Variants in DCAF4L2 observed in about 807,000 individuals in gnomAD.
DCAF4L2 encodes DDB1 and CUL4 associated factor 4 like 2.
A neutral mutation model predicts 15.5 loss-of-function variants in DCAF4L2; 13 were observed. That is an observed-to-expected ratio of 0.84 (90% CI 0.54 to 1.33). The LOEUF (loss-of-function observed/expected upper bound fraction) is 1.33. Among genes scored for constraint, DCAF4L2 ranks in the 40% most tolerant of loss-of-function variants. The pLI, the probability that DCAF4L2 is intolerant of heterozygous loss-of-function variation, is 0.00. For missense variants in DCAF4L2, 519 were observed against 509.6 expected, an observed-to-expected ratio of 1.02 and a Z score of -0.18; for synonymous variants, 251 against 207.0, an observed-to-expected ratio of 1.21 and a Z score of -1.83.
rs1353180954 is a variant in DCAF4L2 at position 87,871,572 on chromosome 8, A to G, written c.*1212T>C. On this transcript the variant is annotated 3_prime_UTR_variant, in exon 1 of 1. Transcript: ENST00000319675. ...TCAAGAAAAAGAAAACAGCATTTCT[A>G]AAGTTTCCCCGTGTTACTTTCCAAA... 6.6e-6 allele frequency: 1 copy of G among 152,200 alleles called. No individual in the cohort carries two copies. Among genetic ancestry groups the G allele is most frequent in the Admixed American group, 6.5e-5 (1 of 15,276 alleles). 9.4% of individuals were successfully genotyped at this position (152,200 alleles called of 1,614,324 possible).
Position 87,872,524 on chromosome 8 carries a change from A to T in DCAF4L2, c.*260T>A. On this transcript the variant is annotated 3_prime_UTR_variant, in exon 1 of 1. Coordinates refer to ENST00000319675, the MANE Select transcript of DCAF4L2 (RefSeq NM_152418.4). ...GTTAAAAAAAAAAAAAAAGGGGGGGATAACTATTCTAAGGTATTCAACAAG... is the reference window on the plus strand; with the variant it reads ...GTTAAAAAAAAAAAAAAAGGGGGGGTTAACTATTCTAAGGTATTCAACAAG... 3.4e-6 allele frequency: 1 copy of T among 292,566 alleles called. No individual in the cohort carries two copies. The highest frequency in any genetic ancestry group is 1.3e-4 in the South Asian group (1 of 7,800). The allele number at this position is 292,566 out of a possible 1,614,324, so 18.1% of individuals were successfully genotyped here. A position where few individuals can be genotyped will look rare whatever the true frequency, so the allele number is the denominator to read the frequency against.
rs1031599331 is a variant in DCAF4L2 at position 87,873,930 on chromosome 8, C to T, written c.42G>A (p.Lys14=). ...GTCCCACTCTGACTGTCTTTTTCTG[C>T]TTGTCTGCTTCCTCGAGCAGTCGCG... ...KRPRLLEEAD[K]QKKTVRVGLN... Residue 14 remains lysine, a synonymous_variant, in exon 1 of 1, where the codon AAG becomes AAA. Coordinates refer to ENST00000319675, the MANE Select transcript of DCAF4L2 (RefSeq NM_152418.4). 9.9e-6 allele frequency: 16 copies of T among 1,613,964 alleles called. No homozygotes were observed. The highest frequency in any genetic ancestry group is 3.3e-5 in the South Asian group (3 of 91,086).
In DCAF4L2 at chr8:87,872,741, C is replaced by CT. The variant is rs2117888019; in HGVS notation, c.*42dup. ...AACGGTAATACGATGCTCTTTACTT[C>CT]TTTAAGTCAAATCCACGTTCCTCCG... On this transcript the variant is annotated 3_prime_UTR_variant, in exon 1 of 1. Transcript: ENST00000319675. 3 of 1,518,482 alleles carry CT rather than the reference C, an allele frequency of 2.0e-6. No individual in the cohort carries two copies. The highest frequency in any genetic ancestry group is 2.7e-5 in the South Asian group (2 of 75,352). The allele number at this position is 1,518,482 out of a possible 1,614,324, so 94.1% of individuals were successfully genotyped here.
rs894032900 is a variant in DCAF4L2, at chr8:87,872,415, G to A, written c.*369C>T. 6.0e-6 allele frequency: 1 copy of A among 167,336 alleles called. No individual in the cohort carries two copies. The highest frequency in any genetic ancestry group is 2.4e-5 in the African/African-American group (1 of 41,372). The allele number at this position is 167,336 out of a possible 1,614,324, so 10.4% of individuals were successfully genotyped here. A position where few individuals can be genotyped will look rare whatever the true frequency, so the allele number is the denominator to read the frequency against. ...GGTAGGACTAGTCAAACAGTCTCAT[G>A]CTTCTCTAAAAGGCTTCTGGTGTAA... On this transcript the variant is annotated 3_prime_UTR_variant, in exon 1 of 1. Coordinates refer to ENST00000319675, the MANE Select transcript of DCAF4L2 (RefSeq NM_152418.4).
Position 87,872,689 on chromosome 8 carries a change from G to T in DCAF4L2, c.*95C>A. 2 of 1,292,002 alleles carry T rather than the reference G, an allele frequency of 1.5e-6. No individual in the cohort carries two copies. Among genetic ancestry groups the T allele is most frequent in the Non-Finnish European group, 2.1e-6 (2 of 960,234 alleles). 80.0% of individuals were successfully genotyped at this position (1,292,002 alleles called of 1,614,324 possible). The stretch of plus-strand genomic sequence containing the variant: ...CGGATGGATGGGATCTACAAACACC[G>T]AACATCTCTTAAAATGCGCTCATAG... On this transcript the variant is annotated 3_prime_UTR_variant, in exon 1 of 1. Transcript: ENST00000319675.
chr8:87,873,230 T>A lies in DCAF4L2; in HGVS notation c.742A>T (p.Ile248Phe), dbSNP rs1563480611. 2 of 1,613,790 alleles carry A rather than the reference T, an allele frequency of 1.2e-6. No individual in the cohort carries two copies. The highest frequency in any genetic ancestry group is 2.7e-5 in the African/African-American group (2 of 74,804). Reference sequence around the variant, plus strand: ...CCACAGCGCAGATCAATGCCAAAGATCTCCCCAGAGCGACAGCCATTAAAC... The same window carrying A: ...CCACAGCGCAGATCAATGCCAAAGAACTCCCCAGAGCGACAGCCATTAAAC... ...LLFNGCRSGE[I>F]FGIDLRCGNQ... The change falls in exon 1 of 1, where the codon ATC (isoleucine) becomes TTC (phenylalanine). Residue 248 changes from isoleucine to phenylalanine, a missense_variant. Coordinates refer to ENST00000319675, the MANE Select transcript of DCAF4L2 (RefSeq NM_152418.4).
In DCAF4L2 at chr8:87,872,824, A is replaced by C. The variant is rs778809480; in HGVS notation, c.1148T>G (p.Met383Arg). The change falls in exon 1 of 1, where the codon ATG becomes AGG. Residue 383 changes from methionine (M) to arginine (R), a missense_variant. Physicochemically the swap from Met to Arg is moderately conservative, Grantham distance 91. Transcript: ENST00000319675. ...GGFRGAPGLL[M>R]AVREDLYCFS... Reference sequence around the variant, plus strand: ...ACAATAAAGGTCCTCCCGGACAGCCATGAGCAGCCCTGGTGCTCCTCGGAA... The same window carrying C: ...ACAATAAAGGTCCTCCCGGACAGCCCTGAGCAGCCCTGGTGCTCCTCGGAA... 6.2e-7 allele frequency: 1 copy of C among 1,610,576 alleles called. No individual in the cohort carries two copies. Among genetic ancestry groups the C allele is most frequent in the Non-Finnish European group, 8.5e-7 (1 of 1,178,200 alleles).
In DCAF4L2 at chr8:87,871,388, A is replaced by AT. The variant is rs1439312931; in HGVS notation, c.*1395dup. The AT allele has an allele frequency of 6.4e-6, 1 of 155,128 alleles. No individual in the cohort carries two copies. The highest frequency in any genetic ancestry group is 1.5e-5 in the Non-Finnish European group (1 of 68,006). The allele number at this position is 155,128 out of a possible 1,614,324, so 9.6% of individuals were successfully genotyped here. ...TGATCTTCCAATGCAATCATTTCTGATTTTTCTGATTATTTCTACTTCTCA... is the reference window on the plus strand; with the variant it reads ...TGATCTTCCAATGCAATCATTTCTGATTTTTTCTGATTATTTCTACTTCTCA... On this transcript the variant is annotated 3_prime_UTR_variant, in exon 1 of 1. Coordinates refer to ENST00000319675, the MANE Select transcript of DCAF4L2 (RefSeq NM_152418.4).
rs796421132 is a variant in DCAF4L2, at chr8:87,870,932, A to AT, written c.*1851dup. 7 of 152,788 alleles carry AT rather than the reference A, an allele frequency of 4.6e-5. No homozygotes were observed. The highest frequency in any genetic ancestry group is 1.7e-4 in the African/African-American group (7 of 41,570). The allele number at this position is 152,788 out of a possible 1,614,324, so 9.5% of individuals were successfully genotyped here. A position where few individuals can be genotyped will look rare whatever the true frequency, so the allele number is the denominator to read the frequency against. On this transcript the variant is annotated 3_prime_UTR_variant, in exon 1 of 1. Coordinates refer to ENST00000319675, the MANE Select transcript of DCAF4L2 (RefSeq NM_152418.4). ...GACAATGTATACATCCTTTAAACCA[A>AT]TATCTACTTTATGATTTAGTTTTAT...
rs1376652121 is a variant in DCAF4L2, at chr8:87,872,447, T to C, written c.*337A>G. ...TAAAAGGCTTCTGGTGTAAGCAGTT[T>C]TAATTTATTTTAGTTTTTGCCAATC... On this transcript the variant is annotated 3_prime_UTR_variant, in exon 1 of 1. Coordinates refer to ENST00000319675, the MANE Select transcript of DCAF4L2 (RefSeq NM_152418.4). 5.5e-6 allele frequency: 1 copy of C among 182,244 alleles called. No homozygotes were observed. Among genetic ancestry groups the C allele is most frequent in the East Asian group, 1.4e-4 (1 of 6,940 alleles). 11.3% of individuals were successfully genotyped at this position (182,244 alleles called of 1,614,324 possible).
rs1000947558 is a variant in DCAF4L2 at position 87,871,655 on chromosome 8, A to T, written c.*1129T>A. The T allele has an allele frequency of 6.6e-6, 1 of 152,222 alleles. No individual in the cohort carries two copies. Among genetic ancestry groups the T allele is most frequent in the Non-Finnish European group, 1.5e-5 (1 of 68,036 alleles). The allele number at this position is 152,222 out of a possible 1,614,324, so 9.4% of individuals were successfully genotyped here. A position where few individuals can be genotyped will look rare whatever the true frequency, so the allele number is the denominator to read the frequency against. ...ACAATATCCTTTCTTCCTTCCACAG[A>T]GATACCTACTATTCAAACTGTAATC... On this transcript the variant is annotated 3_prime_UTR_variant, in exon 1 of 1. Coordinates refer to ENST00000319675, the MANE Select transcript of DCAF4L2 (RefSeq NM_152418.4).
rs1809429007 is a variant in DCAF4L2 at position 87,873,018 on chromosome 8, T to C, written c.954A>G (p.Leu318=). ...YEGHVNNSAY[L]PVHVNEEEGV... The stretch of plus-strand genomic sequence containing the variant: ...CTTCTTCTTCGTTCACATGCACGGG[T>C]AGGTAGGCGGAGTTATTCACATGAC... The change falls in exon 1 of 1, where the codon CTA becomes CTG. Residue 318 remains leucine (L), a synonymous_variant. Coordinates refer to ENST00000319675, the MANE Select transcript of DCAF4L2 (RefSeq NM_152418.4). The C allele has an allele frequency of 1.2e-6, 2 of 1,613,976 alleles. No homozygotes were observed. Among genetic ancestry groups the C allele is most frequent in the African/African-American group, 2.7e-5 (2 of 74,890 alleles).
Position 87,873,899 on chromosome 8 carries a change from C to T in DCAF4L2, c.73G>A (p.Ala25Thr), listed in dbSNP as rs751465227. Residue 25 changes from alanine to threonine, a missense_variant, in exon 1 of 1, where the codon GCA (alanine) becomes ACA (threonine). Coordinates refer to ENST00000319675, the MANE Select transcript of DCAF4L2 (RefSeq NM_152418.4). ...QKKTVRVGLN[A>T]PSMLRKNQLG... ...TGGTTCTTTCGTAGCATGGAAGGTGCATTGAGTCCCACTCTGACTGTCTTT... is the reference window on the plus strand; with the variant it reads ...TGGTTCTTTCGTAGCATGGAAGGTGTATTGAGTCCCACTCTGACTGTCTTT... The T allele has an allele frequency of 6.2e-6, 10 of 1,614,126 alleles. No homozygotes were observed. The highest frequency in any genetic ancestry group is 6.8e-6 in the Non-Finnish European group (8 of 1,180,044).
At position 87,870,791 on chromosome 8, in the gene DCAF4L2, G is replaced by C. The variant is rs1264260426; in HGVS notation, c.*1993C>G. 6.6e-6 allele frequency: 1 copy of C among 151,956 alleles called. No homozygotes were observed. The highest frequency in any genetic ancestry group is 1.5e-5 in the Non-Finnish European group (1 of 67,986). 9.4% of individuals were successfully genotyped at this position (151,956 alleles called of 1,614,324 possible). On this transcript the variant is annotated 3_prime_UTR_variant, in exon 1 of 1. Coordinates refer to ENST00000319675, the MANE Select transcript of DCAF4L2 (RefSeq NM_152418.4). ...TTTGCAAGTGAGGGTAAACAGATTC[G>C]CAAGTTACGTAGTCATTACATTTTC...
In DCAF4L2 at chr8:87,871,166, T is replaced by C. The variant is rs1038618783; in HGVS notation, c.*1618A>G. On this transcript the variant is annotated 3_prime_UTR_variant, in exon 1 of 1. Coordinates refer to ENST00000319675, the MANE Select transcript of DCAF4L2 (RefSeq NM_152418.4). ...CTGACATCACCTCTAATCTACAGAA[T>C]GGACATTTTAATAGTTGCCTAAAAC... The C allele has an allele frequency of 6.6e-6, 1 of 152,198 alleles. No homozygotes were observed. Among genetic ancestry groups the C allele is most frequent in the Non-Finnish European group, 1.5e-5 (1 of 68,004 alleles). 9.4% of individuals were successfully genotyped at this position (152,198 alleles called of 1,614,324 possible). A position where few individuals can be genotyped will look rare whatever the true frequency, so the allele number is the denominator to read the frequency against.
In DCAF4L2 at chr8:87,873,959, T is replaced by C. The variant is rs555642563; in HGVS notation, c.13A>G (p.Arg5Gly). 1 of 1,613,516 alleles carries C rather than the reference T, an allele frequency of 6.2e-7. No homozygotes were observed. Among genetic ancestry groups the C allele is most frequent in the African/African-American group, 1.3e-5 (1 of 74,850 alleles). The change falls in exon 1 of 1, where the codon AGA becomes GGA. Residue 5 changes from arginine (R) to glycine (G), a missense_variant. Coordinates refer to ENST00000319675, the MANE Select transcript of DCAF4L2 (RefSeq NM_152418.4). ...TCTGCTTCCTCGAGCAGTCGCGGTCTTTTGCTCTCCATTTCGTTCGGCGGA... is the reference window on the plus strand; with the variant it reads ...TCTGCTTCCTCGAGCAGTCGCGGTCCTTTGCTCTCCATTTCGTTCGGCGGA... MESK[R>G]PRLLEEADKQ...
Position 87,873,209 on chromosome 8 carries a change from A to T in DCAF4L2, c.763T>A (p.Cys255Ser). ...SGEIFGIDLRCGNQGSGWKAI... is the reference protein window; with the variant it reads ...SGEIFGIDLRSGNQGSGWKAI... ...TTCCACCCGCTGCCTTGATTTCCAC[A>T]GCGCAGATCAATGCCAAAGATCTCC... The change falls in exon 1 of 1, where the codon TGT (cysteine) becomes AGT (serine). Residue 255 changes from cysteine to serine, a missense_variant. Transcript: ENST00000319675. 6.2e-7 allele frequency: 1 copy of T among 1,614,148 alleles called. No individual in the cohort carries two copies. The highest frequency in any genetic ancestry group is 8.5e-7 in the Non-Finnish European group (1 of 1,180,028).
Position 87,873,514 on chromosome 8 carries a change from G to C in DCAF4L2, c.458C>G (p.Pro153Arg). 4 of 1,614,216 alleles carry C rather than the reference G, an allele frequency of 2.5e-6. No individual in the cohort carries two copies. The highest frequency in any genetic ancestry group is 3.4e-6 in the Non-Finnish European group (4 of 1,180,044). Reference sequence around the variant, plus strand: ...CGCTGGGAGCAGCACGGCACAGCTTGGAGTATCTGCAAGTCCCACGAAGCA... The same window carrying C: ...CGCTGGGAGCAGCACGGCACAGCTTCGAGTATCTGCAAGTCCCACGAAGCA... ...LLCFVGLADTPSCAVLLPASL... is the reference protein window; with the variant it reads ...LLCFVGLADTRSCAVLLPASL... Residue 153 changes from proline (P) to arginine (R), a missense_variant, in exon 1 of 1, where the codon CCA becomes CGA. Transcript: ENST00000319675.
Position 87,873,394 on chromosome 8 carries a change from C to T in DCAF4L2, c.578G>A (p.Ser193Asn). 2 of 1,614,208 alleles carry T rather than the reference C, an allele frequency of 1.2e-6. No individual in the cohort carries two copies. Among genetic ancestry groups the T allele is most frequent in the African/African-American group, 2.7e-5 (2 of 75,052 alleles). ...PDAWSCAWSLSIHAYHSFSTG... is the reference protein window; with the variant it reads ...PDAWSCAWSLNIHAYHSFSTG... Reference sequence around the variant, plus strand: ...ACTGAAAGAGTGATACGCGTGGATGCTCAGGGACCAGGCACAGGACCAGGC... The same window carrying T: ...ACTGAAAGAGTGATACGCGTGGATGTTCAGGGACCAGGCACAGGACCAGGC... The change falls in exon 1 of 1, where the codon AGC becomes AAC. Residue 193 changes from serine to asparagine, a missense_variant. Transcript: ENST00000319675.
Sources: gnomAD v4.1 joint callset for allele counts on GRCh38, gnomAD v4.1.1 for gene constraint, MANE v1.5 for transcripts, NCBI Gene and HGNC (gene_info 2026-07-23, HGNC 2026-07-21) for gene names.